Variants in PRUNE2 observed in about 807,000 individuals in gnomAD.
PRUNE2 encodes prune homolog 2 with BCH domain.
PRUNE2 carries 164 observed loss-of-function variants against 252.0 expected under a neutral mutation model. The observed-to-expected ratio is 0.65, with a 90% CI of 0.57 to 0.74. The LOEUF is 0.74. PRUNE2 is among the 30% of genes least tolerant of loss of function. The probability of loss-of-function intolerance (pLI) is 0.00; values close to 1 mark genes in which losing one functional copy is unlikely to be tolerated. For missense variants in PRUNE2, 3,495 were observed against 3,711.0 expected (o/e 0.94, Z 1.51); for synonymous variants, 1,292 against 1,350.2 (o/e 0.96, Z 0.94).
chr9:76,673,751 T>G (rs1291556871), intron 9 of PRUNE2, among the ~76,000 whole-genome samples: 2 of 148,394 alleles, frequency 1.3e-5, no homozygotes, highest in Non-Finnish European at 3.0e-5. Context: ...TGGTTCAATA[T>G]ACGCAAATCA....
At chr9:76,642,012 A>G (rs561383774) in intron 12 of PRUNE2, 4 of 1,374,904 alleles carry the variant, frequency 2.9e-6, no homozygotes, top group Admixed American at 2.6e-5. Flanking sequence ...AAAAAAAAAA[A>G]AAAAAGAAAA....
At chr9:76,810,617 A>G (rs749890491) in intron 6 of PRUNE2, among the ~76,000 whole-genome samples, 20 of 152,240 alleles carry the variant, frequency 1.3e-4, no homozygotes, top group South Asian at 4.1e-4. Flanking sequence ...AATCATGTCA[A>G]TTAAGCAACA....
intron 6 of PRUNE2, among the ~76,000 whole-genome samples, chr9:76,727,296 T>C (rs1334364790): frequency 6.6e-6 from 1 of 152,176 alleles, no homozygotes; most frequent in Non-Finnish European, 1.5e-5. Context: ...ACTCAACTGT[T>C]TCAGAAATCT....
intron 1 of PRUNE2, among the ~76,000 whole-genome samples, chr9:76,904,786 ATAGT>A (rs2063384328): frequency 1.3e-5 from 2 of 152,308 alleles, no homozygotes; most frequent in African/African-American, 4.8e-5. Context: ...CTTTTACAAG[ATAGT>A]TACAGTTAGA....
In PRUNE2 at chr9:76,786,258, C is replaced by A. The variant is rs149090698; in HGVS notation, c.756+37374G>T. On this transcript the variant is annotated intron_variant, in intron 6 of 18. Transcript: ENST00000376718. ...TGGATAGTCCAATAAATAATGTTAT[C>A]TTTGAACTGATGCTCATAGGAGAGA... 1.8e-3 allele frequency: 281 copies of A among 152,262 alleles called. 1 individual carries two copies. Among genetic ancestry groups the A allele is most frequent in the African/African-American group, 6.4e-3 (265 of 41,540 alleles). 9.4% of individuals were successfully genotyped at this position (152,262 alleles called of 1,614,324 possible). A position where few individuals can be genotyped will look rare whatever the true frequency, so the allele number is the denominator to read the frequency against.
intron 6 of PRUNE2, among the ~76,000 whole-genome samples, chr9:76,776,913 C>CACACACACACACACAA (rs2053849645): frequency 6.7e-6 from 1 of 148,624 alleles, no homozygotes. Flanking sequence ...CACACACACA[C>CACACACACACACACAA]ACACACACAC....
At chr9:76,765,809 C>A (rs2052302865) in intron 6 of PRUNE2, among the ~76,000 whole-genome samples, 3 of 152,184 alleles carry the variant, frequency 2.0e-5, no homozygotes. Context: ...CTTTCCTTAT[C>A]TATGAAATGG....
chr9:76,831,486 A>G (rs1387448815), intron 4 of PRUNE2, among the ~76,000 whole-genome samples: 3 of 152,050 alleles, frequency 2.0e-5, no homozygotes, highest in Non-Finnish European at 4.4e-5. Context: ...AATATTTTAA[A>G]GTTTAAAATA....
intron 9 of PRUNE2, chr9:76,692,994 C>T (rs529834477): frequency 1.5e-5 from 2 of 133,752 alleles, no homozygotes; most frequent in Non-Finnish European, 3.1e-5. Flanking sequence ...CCCCTCCCCC[C>T]CTCCAAAAAA....
chr9:76,857,600 T>C (rs1270219933), intron 1 of PRUNE2, among the ~76,000 whole-genome samples: 1 of 152,194 alleles, frequency 6.6e-6, no homozygotes, highest in African/African-American at 2.4e-5. Flanking sequence ...AGGGTAACCA[T>C]GCTCAAACTC....
intron 6 of PRUNE2, among the ~76,000 whole-genome samples, chr9:76,753,896 T>A (rs1258609373): frequency 6.9e-6 from 1 of 145,394 alleles, no homozygotes; most frequent in East Asian, 2.0e-4. Context: ...CCAGCCTGGG[T>A]GACTGAGCAA....
At chr9:76,716,984 A>T (rs1169402740) in intron 6 of PRUNE2, among the ~76,000 whole-genome samples, 1 of 152,232 alleles carries the variant, frequency 6.6e-6, no homozygotes, top group Non-Finnish European at 1.5e-5. Flanking sequence ...TGCAAAGGAC[A>T]TGACCTCATC....
At chr9:76,726,208 G>A (rs1225843795) in intron 6 of PRUNE2, among the ~76,000 whole-genome samples, 1 of 152,186 alleles carries the variant, frequency 6.6e-6, no homozygotes, top group East Asian at 1.9e-4. Context: ...GTTCCCACTT[G>A]GGTTCGGTGC....
intron 2 of PRUNE2, among the ~76,000 whole-genome samples, chr9:76,852,411 T>C (rs2060009515): frequency 6.6e-6 from 1 of 152,242 alleles, no homozygotes; most frequent in South Asian, 2.1e-4. Context: ...GAAGTTGATG[T>C]CACAAGAACT....
At chr9:76,858,524 T>C (rs1033376038) in intron 1 of PRUNE2, among the ~76,000 whole-genome samples, 30 of 152,196 alleles carry the variant, frequency 2.0e-4, no homozygotes, top group African/African-American at 7.0e-4. Flanking sequence ...AACCAGACAC[T>C]GCATGTTCTC....
intron 4 of PRUNE2, among the ~76,000 whole-genome samples, chr9:76,843,267 T>C (rs60999840): frequency 0.089 from 13,476 of 151,822 alleles, 755 homozygotes; most frequent in African/African-American, 0.16. Context: ...AAGTGGGAGC[T>C]GAACAATGAG....
In PRUNE2 at chr9:76,711,086, T is replaced by C. The variant is rs1197809497; in HGVS notation, c.1188A>G (p.Gln396=). The C allele has an allele frequency of 1.9e-6, 3 of 1,613,986 alleles. No individual in the cohort carries two copies. The highest frequency in any genetic ancestry group is 1.7e-6 in the Non-Finnish European group (2 of 1,179,878). Residue 396 remains glutamine, a synonymous_variant, in exon 8 of 19, where the codon CAA becomes CAG. Coordinates refer to ENST00000376718, the MANE Select transcript of PRUNE2 (RefSeq NM_015225.3). ...MELYGSDIEP[Q]PSSVNFIENP... ...TCTCTATGAAATTCACAGAGCTGGG[T>C]TGTGGCTCTATGTCAGAACCATACA...
chr9:76,827,016 C>A (rs1221895923), intron 4 of PRUNE2, among the ~76,000 whole-genome samples: 2 of 152,154 alleles, frequency 1.3e-5, no homozygotes, highest in African/African-American at 2.4e-5. Context: ...GTATATTCCC[C>A]CAACCCCACA....
intron 6 of PRUNE2, among the ~76,000 whole-genome samples, chr9:76,760,410 C>T (rs758941448): frequency 6.6e-6 from 1 of 152,128 alleles, no homozygotes; most frequent in Non-Finnish European, 1.5e-5. Flanking sequence ...ATCACTGCTC[C>T]CCCATATCAG....
Sources: allele counts gnomAD v4.1 joint callset (sites outside exome capture counted in the v4.1 genomes callset), GRCh38; gene constraint gnomAD v4.1.1; transcripts MANE v1.5; gene names NCBI Gene and HGNC (gene_info 2026-07-23, HGNC 2026-07-21).